Variants in NMU observed in about 807,000 individuals in gnomAD.
NMU encodes neuromedin U.
A neutral mutation model predicts 35.4 loss-of-function variants in NMU; 29 were observed. The ratio of observed to expected loss-of-function variants is 0.82; its 90% CI spans 0.61 to 1.12. The LOEUF (loss-of-function observed/expected upper bound fraction) is 1.12, where lower values mean the gene tolerates loss of function less well. Ranked by LOEUF, NMU falls within the 50% of genes most tolerant of loss-of-function variation. NMU has a pLI of 0.00. For missense variants in NMU, 199 were observed against 206.2 expected (o/e 0.97, Z 0.21); for synonymous variants, 78 against 81.3 (o/e 0.96, Z 0.22).
In NMU at chr4:55,607,466, C is replaced by T; in HGVS notation, c.280G>A (p.Glu94Lys). 1.0e-6 allele frequency: 1 copy of T among 958,188 alleles called. No homozygotes were observed. The highest frequency in any genetic ancestry group is 1.6e-6 in the Non-Finnish European group (1 of 613,498). The allele number at this position is 958,188 out of a possible 1,614,324, so 59.4% of individuals were successfully genotyped here. A position where few individuals can be genotyped will look rare whatever the true frequency, so the allele number is the denominator to read the frequency against. The stretch of plus-strand genomic sequence containing the variant: ...TTAGTATTATCTTTTTCATCTTGTT[C>T]CTATTGAAAAGAGATATTGTATATA... ...MIMGMLPKPQ[E>K]QDEKDNTKRF... Residue 94 changes from glutamate to lysine, a missense_variant and splice_region_variant, in exon 5 of 10, where the codon GAA becomes AAA. Physicochemically the swap from Glu to Lys is moderately conservative, Grantham distance 56 (BLOSUM62 1). Coordinates refer to ENST00000264218, the MANE Select transcript of NMU (RefSeq NM_006681.4).
chr4:55,614,963 G>A (rs1269716268), intron 3 of NMU, among the ~76,000 whole-genome samples: 2 of 152,162 alleles, frequency 1.3e-5, no homozygotes, highest in African/African-American at 4.8e-5. Context: ...AGGTACCTAC[G>A]GAATGGGTTG....
At chr4:55,613,305 A>T (rs930074568) in intron 3 of NMU, among the ~76,000 whole-genome samples, 29 of 150,514 alleles carry the variant, frequency 1.9e-4, no homozygotes, top group African/African-American at 4.6e-4. Context: ...ACCTAAAATT[A>T]AAAAAAAAAT....
intron 3 of NMU, among the ~76,000 whole-genome samples, chr4:55,613,681 C>A (rs1362708755): frequency 6.6e-6 from 1 of 152,138 alleles, no homozygotes; most frequent in African/African-American, 2.4e-5. Context: ...CACATTGACT[C>A]TTTGTCTTGC....
At chr4:55,636,575 GGATGGCA>G (rs1242574732), upstream of NMU, 1 of 173,816 alleles carries the variant, frequency 5.8e-6, no homozygotes, top group East Asian at 1.6e-4. The surrounding 1 kb of genome is among the most constrained non-coding windows in gnomAD (Gnocchi z 4.0). Flanking sequence ...AACAGGGTGT[GGATGGCA>G]AACCAGGCCG....
chr4:55,625,411 A>C (rs1476642252), intron 2 of NMU, among the ~76,000 whole-genome samples: 3 of 151,928 alleles, frequency 2.0e-5, no homozygotes, highest in African/African-American at 7.3e-5. Context: ...TATCTAAGTC[A>C]CTCTTCATCT....
At chr4:55,627,217 TTCATTCTGTCTGTTCTTGTGAAATTA>T (rs1413228983) in intron 2 of NMU, among the ~76,000 whole-genome samples, 2 of 152,180 alleles carry the variant, frequency 1.3e-5, no homozygotes, top group Non-Finnish European at 2.9e-5. Flanking sequence ...GTTCCATTGG[TTCATTCTGTCTGTTCTTGTGAAATTA>T]CCATGCCTTT....
chr4:55,595,703 C>T (rs563493494), intron 9 of NMU, among the ~76,000 whole-genome samples: 18 of 145,858 alleles, frequency 1.2e-4, no homozygotes, highest in African/African-American at 3.3e-4. Context: ...TGCAGTGGCG[C>T]GATCTTGGCT....
intron 7 of NMU, among the ~76,000 whole-genome samples, chr4:55,603,926 A>ATATATAT (rs1392634941): frequency 6.9e-5 from 3 of 43,494 alleles, no homozygotes; most frequent in Non-Finnish European, 1.2e-4. Flanking sequence ...AAAAAAAAAA[A>ATATATAT]ATATATATAT....
At chr4:55,596,484 T>TTAAA (rs1386486804) in intron 9 of NMU, among the ~76,000 whole-genome samples, 2 of 151,908 alleles carry the variant, frequency 1.3e-5, no homozygotes, top group Non-Finnish European at 2.9e-5. Flanking sequence ...AATATTAAGC[T>TTAAA]ATTTAATAAA....
rs147105816 is a variant in NMU at position 55,606,924 on chromosome 4, C to T, written c.360+374G>A. On this transcript the variant is annotated intron_variant, in intron 6 of 9. Transcript: ENST00000264218. The stretch of plus-strand genomic sequence containing the variant: ...AACTCTGGACTTCAAGTGATCCTCC[C>T]GCCTCGGCCTCCCAAACTGCTGGGA... 7.8e-3 allele frequency among the ~76,000 whole-genome samples: 1,187 copies of T among 152,210 alleles called. 21 individuals are homozygous for T. Among genetic ancestry groups the T allele is most frequent in the African/African-American group, 0.027 (1,127 of 41,538 alleles).
At chr4:55,633,360 A>G (rs1477078122) in intron 1 of NMU, among the ~76,000 whole-genome samples, 1 of 151,864 alleles carries the variant, frequency 6.6e-6, no homozygotes, top group Non-Finnish European at 1.5e-5. Context: ...GAAAGCGACT[A>G]ATATCCTATG....
At chr4:55,633,250 G>A (rs903665350) in intron 1 of NMU, among the ~76,000 whole-genome samples, 8 of 151,778 alleles carry the variant, frequency 5.3e-5, no homozygotes, top group Admixed American at 3.3e-4. Flanking sequence ...GCATGAACCC[G>A]GGAGGCGGAG....
intron 8 of NMU, among the ~76,000 whole-genome samples, chr4:55,599,548 C>T (rs1364504013): frequency 6.6e-6 from 1 of 152,178 alleles, no homozygotes; most frequent in Non-Finnish European, 1.5e-5. Context: ...TAGCTGCTTA[C>T]TTCTTCCTGC....
At chr4:55,615,812 C>CTT (rs1430785045) in intron 3 of NMU, among the ~76,000 whole-genome samples, 1 of 152,146 alleles carries the variant, frequency 6.6e-6, no homozygotes, top group East Asian at 1.9e-4. Context: ...GGCCCTGTGT[C>CTT]TGTTGTTCCC....
chr4:55,630,776 A>G (rs1349829562), intron 1 of NMU, among the ~76,000 whole-genome samples: 1 of 152,178 alleles, frequency 6.6e-6, no homozygotes, highest in Admixed American at 6.5e-5. Flanking sequence ...TACAGATTCA[A>G]TGCAATTCCC....
At chr4:55,595,567 C>T (rs375179116) in intron 9 of NMU, among the ~76,000 whole-genome samples, 156 bp from the exon 10 acceptor site, 319 of 71,346 alleles carry the variant, frequency 4.5e-3, no homozygotes, top group Admixed American at 0.012. Context: ...TATATATACA[C>T]ACACACACAC....
At chr4:55,618,150 T>C (rs1183068193) in intron 2 of NMU, among the ~76,000 whole-genome samples, 4 of 152,224 alleles carry the variant, frequency 2.6e-5, no homozygotes, top group Non-Finnish European at 5.9e-5. Flanking sequence ...TCTCTACATA[T>C]GGTTAGAAAG....
chr4:55,606,120 C>T (rs1005560347), intron 6 of NMU, among the ~76,000 whole-genome samples: 7 of 152,156 alleles, frequency 4.6e-5, no homozygotes, highest in Non-Finnish European at 8.8e-5. Flanking sequence ...TATAATCTTT[C>T]GCCTCCTCAT....
intron 9 of NMU, among the ~76,000 whole-genome samples, chr4:55,595,766 G>C (rs940261030): frequency 6.6e-6 from 1 of 150,664 alleles, no homozygotes; most frequent in African/African-American, 2.4e-5. Flanking sequence ...TCAGCCTCCT[G>C]AGTAGCTGGT....
Sources: allele counts gnomAD v4.1 joint callset (sites outside exome capture counted in the v4.1 genomes callset), GRCh38; gene constraint gnomAD v4.1.1; non-coding constraint Gnocchi (gnomAD v3.1); transcripts MANE v1.5; gene names NCBI Gene and HGNC (gene_info 2026-07-23, HGNC 2026-07-21).